SMOC1: variants seen among roughly 807,000 people sequenced by gnomAD.
SMOC1 encodes the protein SPARC-related modular calcium-binding protein 1.
In SMOC1, 22 loss-of-function variants were observed where a neutral mutation model predicts 56.3. The ratio of observed to expected loss-of-function variants is 0.39; its 90% CI spans 0.28 to 0.56. The LOEUF is 0.56. Among genes scored for constraint, SMOC1 ranks in the 20% least tolerant of loss-of-function variants. SMOC1 has a pLI of 0.61. For synonymous variants in SMOC1, 193 were observed against 215.0 expected (o/e 0.90, Z 0.89); for missense variants, 509 against 565.4 (o/e 0.90, Z 1.01).
intron 2 of SMOC1, 150 bp from the exon 3 acceptor site, chr14:69,953,270 G>C: frequency 1.4e-6 from 1 of 724,110 alleles, no homozygotes; most frequent in Non-Finnish European, 2.5e-6. Flanking sequence ...CTGTGCAGCA[G>C]TTACTAGCCA....
intron 7 of SMOC1, among the ~76,000 whole-genome samples, chr14:70,009,279 G>C (rs756079744): frequency 6.6e-6 from 1 of 152,104 alleles, no homozygotes; most frequent in African/African-American, 2.4e-5. Flanking sequence ...CCAGGCTATT[G>C]TTTTCGAGCA....
intron 1 of SMOC1, among the ~76,000 whole-genome samples, chr14:69,939,386 C>A (rs998023478): frequency 6.6e-6 from 1 of 152,180 alleles, no homozygotes; most frequent in Non-Finnish European, 1.5e-5. Context: ...GAAAAAACCA[C>A]CCCCATGATT....
chr14:69,976,309 G>GT (rs1275013550), intron 4 of SMOC1, among the ~76,000 whole-genome samples: 13 of 152,124 alleles, frequency 8.5e-5, no homozygotes, highest in South Asian at 4.1e-4. Context: ...GAAAATTTTC[G>GT]TAACAGTGGC....
chr14:69,923,053 T>G (rs1884893416), intron 1 of SMOC1, among the ~76,000 whole-genome samples: 1 of 152,024 alleles, frequency 6.6e-6, no homozygotes, highest in Non-Finnish European at 1.5e-5. Context: ...CACGCCATTC[T>G]CCTGCCTCAG....
At chr14:70,000,024 T>C (rs1015257662) in intron 7 of SMOC1, among the ~76,000 whole-genome samples, 2 of 152,210 alleles carry the variant, frequency 1.3e-5, no homozygotes, top group African/African-American at 2.4e-5. Context: ...TTTTGGCCTC[T>C]GCTGCTAAGA....
intron 1 of SMOC1, among the ~76,000 whole-genome samples, chr14:69,904,818 CA>C (rs768484437): frequency 6.6e-6 from 1 of 152,106 alleles, no homozygotes; most frequent in Non-Finnish European, 1.5e-5. Flanking sequence ...TTGTGGTGAC[CA>C]AAACATGAGG....
At chr14:70,011,452 C>T in intron 8 of SMOC1, 33 bp from the exon 9 acceptor site, 1 of 1,359,474 alleles carries the variant, frequency 7.4e-7, no homozygotes, top group Non-Finnish European at 1.0e-6. Flanking sequence ...TTGCCAGCCC[C>T]TCCCAACCCC....
intron 4 of SMOC1, among the ~76,000 whole-genome samples, chr14:69,977,490 A>G (rs569296673): frequency 1.3e-5 from 2 of 152,374 alleles, no homozygotes; most frequent in Admixed American, 1.3e-4. Flanking sequence ...AGGGATGTCA[A>G]TCATTGCCTT....
Position 70,023,217 on chromosome 14 carries a change from A to G in SMOC1, c.1061A>G (p.Asp354Gly). Residue 354 changes from aspartate to glycine, a missense_variant, in exon 11 of 12, where the codon GAC (aspartate) becomes GGC (glycine). Transcript: ENST00000361956. The stretch of plus-strand genomic sequence containing the variant: ...CCATGGCCCAGGTTCTCAGAGCCAG[A>G]CCCCAGCCACACCCTGGAGGAGCGG... ...PTGGGRFSEPDPSHTLEERVV... is the reference protein window; with the variant it reads ...PTGGGRFSEPGPSHTLEERVV... The G allele has an allele frequency of 6.2e-7, 1 of 1,613,890 alleles. No homozygotes were observed. Among genetic ancestry groups the G allele is most frequent in the East Asian group, 2.2e-5 (1 of 44,880 alleles).
intron 4 of SMOC1, 30 bp downstream of exon 4, chr14:69,975,844 A>G: frequency 1.3e-6 from 2 of 1,548,078 alleles, no homozygotes; most frequent in African/African-American, 1.4e-5. Flanking sequence ...GAAGAATGAA[A>G]AGGGTTGGAG....
chr14:70,001,916 T>G (rs1366086956), intron 7 of SMOC1, among the ~76,000 whole-genome samples: 2 of 152,212 alleles, frequency 1.3e-5, no homozygotes, highest in African/African-American at 4.8e-5. Flanking sequence ...CTATATTGCC[T>G]CTATTCCAAC....
chr14:69,950,829 T>C (rs1882969752), intron 1 of SMOC1, among the ~76,000 whole-genome samples: 1 of 152,236 alleles, frequency 6.6e-6, no homozygotes, highest in African/African-American at 2.4e-5. Context: ...GATGCTTCAT[T>C]GTATATGCCC....
intron 5 of SMOC1, among the ~76,000 whole-genome samples, chr14:69,984,137 A>G (rs1036627707): frequency 6.6e-6 from 1 of 152,208 alleles, no homozygotes; most frequent in Non-Finnish European, 1.5e-5. Flanking sequence ...GCATGAATCA[A>G]TGGAACAGAA....
At chr14:69,923,240 C>T (rs557588976) in intron 1 of SMOC1, among the ~76,000 whole-genome samples, 15 of 152,194 alleles carry the variant, frequency 9.9e-5, no homozygotes, top group African/African-American at 2.9e-4. Context: ...CCACTGCACC[C>T]GGCTCAGCCC....
chr14:70,014,145 A>G lies in SMOC1; in HGVS notation c.1046+654A>G, dbSNP rs529040083. On this transcript the variant is annotated intron_variant, in intron 10 of 11. Transcript: ENST00000361956. ...TCCATCCGCTTACCACCTTTTGAAC[A>G]TGGAAAACACAGCAAACACTGGGCT... 7.9e-5 allele frequency among the ~76,000 whole-genome samples: 12 copies of G among 152,332 alleles called. No individual in the cohort carries two copies. The South Asian group carries it at 2.1e-3, about 26-fold the overall frequency.
intron 7 of SMOC1, among the ~76,000 whole-genome samples, chr14:70,007,841 T>C (rs1425097004): frequency 6.6e-6 from 1 of 152,172 alleles, no homozygotes; most frequent in Non-Finnish European, 1.5e-5. Flanking sequence ...TGAATGTTTG[T>C]TTTTCTTGTT....
chr14:69,932,300 A>G (rs77882570), intron 1 of SMOC1, among the ~76,000 whole-genome samples: 14,458 of 152,170 alleles, frequency 0.095, 749 homozygotes, highest in South Asian at 0.14. Context: ...TTTATAGTAA[A>G]CTTGCTGTTT....
At chr14:69,925,602 CG>C (rs944424098) in intron 1 of SMOC1, among the ~76,000 whole-genome samples, 4 of 152,152 alleles carry the variant, frequency 2.6e-5, no homozygotes, top group Non-Finnish European at 5.9e-5. Flanking sequence ...CCCACGGGGC[CG>C]GGGCTTGTGT....
At chr14:70,011,454 CCCA>C in intron 8 of SMOC1, 28 bp from the exon 9 acceptor site, 1 of 1,221,946 alleles carries the variant, frequency 8.2e-7, no homozygotes, top group Non-Finnish European at 1.2e-6. Flanking sequence ...GCCAGCCCCT[CCCA>C]ACCCCCCCCA....
Sources: gnomAD v4.1 joint callset for allele counts (sites outside exome capture counted in the v4.1 genomes callset) on GRCh38, gnomAD v4.1.1 for gene constraint, MANE v1.5 for transcripts, NCBI Gene and HGNC (gene_info 2026-07-23, HGNC 2026-07-21) for gene names.